Variants in PCID2 observed in about 807,000 individuals in gnomAD.
PCID2 encodes PCI domain containing 2, also known as PCI domain-containing protein 2.
Under a neutral mutation model 61.3 loss-of-function variants are expected in PCID2, and 41 were observed. The observed-to-expected ratio is 0.67, with a 90% CI of 0.52 to 0.87. PCID2 has a LOEUF of 0.87. Ranked by LOEUF, PCID2 falls within the 40% of genes least tolerant of loss-of-function variation. The probability of loss-of-function intolerance (pLI) is 0.00; values close to 1 mark genes in which losing one functional copy is unlikely to be tolerated. For synonymous variants in PCID2, 187 were observed against 177.8 expected (o/e 1.05, Z -0.41); for missense variants, 392 against 493.4 (o/e 0.79, Z 1.95).
chr13:113,188,252 G>A (rs554125555), intron 7 of PCID2: 3 of 151,950 alleles, frequency 2.0e-5, no homozygotes, highest in Non-Finnish European at 2.9e-5. Context: ...CAGTGGGAAA[G>A]TGCCATGGCA....
chr13:113,194,458 G>GC (rs1006686914), intron 6 of PCID2, among the ~76,000 whole-genome samples: 1 of 152,122 alleles, frequency 6.6e-6, no homozygotes, highest in African/African-American at 2.4e-5. Context: ...CCATAGCCAT[G>GC]CCGGCCTGAC....
chr13:113,205,629 C>G (rs1452551790), intron 1 of PCID2, among the ~76,000 whole-genome samples: 1 of 152,204 alleles, frequency 6.6e-6, no homozygotes, highest in African/African-American at 2.4e-5. Flanking sequence ...AAACAAAATA[C>G]TCCATACAAT....
chr13:113,196,266 C>T (rs768896494), intron 4 of PCID2, 44 bp from the exon 5 acceptor site: 3 of 1,398,950 alleles, frequency 2.1e-6, no homozygotes, highest in Non-Finnish European at 2.0e-6. Flanking sequence ...TCAAATAATG[C>T]TACGTACGAT....
In PCID2 at chr13:113,178,099, G is replaced by A. The variant is rs1034417978; in HGVS notation, c.*99C>T. ...TGGGAAAAGCGCCTCCAAGAGTTCCGGCTTCAGGGAGCCTTGTTGCAGTAC... is the reference window on the plus strand; with the variant it reads ...TGGGAAAAGCGCCTCCAAGAGTTCCAGCTTCAGGGAGCCTTGTTGCAGTAC... On this transcript the variant is annotated 3_prime_UTR_variant, in exon 14 of 14. Transcript: ENST00000337344. 2.6e-5 allele frequency: 20 copies of A among 768,220 alleles called. No individual in the cohort carries two copies. Among genetic ancestry groups the A allele is most frequent in the South Asian group, 3.6e-5 (2 of 55,794 alleles). The allele number at this position is 768,220 out of a possible 1,614,324, so 47.6% of individuals were successfully genotyped here.
the PCID2 span, chr13:113,170,531 G>T: frequency 2.0e-6 from 3 of 1,521,964 alleles, no homozygotes; most frequent in South Asian, 2.2e-5. Flanking sequence ...GTAAAAACAT[G>T]TAAGTATTTT....
In PCID2 at chr13:113,198,200, G is replaced by A; in HGVS notation, c.191C>T (p.Ala64Val). ...CTCCCCAACAGATTACCTTAAATGAGCTGCAAACATTTCATCATAAGGGGG... is the reference window on the plus strand; with the variant it reads ...CTCCCCAACAGATTACCTTAAATGAACTGCAAACATTTCATCATAAGGGGG... ...LEPPYDEMFA[A>V]HLRCTYAVGN... Residue 64 changes from alanine to valine, a missense_variant, in exon 3 of 14, where the codon GCT (alanine) becomes GTT (valine). By Grantham distance (64) the Ala-to-Val change is moderately conservative. Transcript: ENST00000337344. 2.5e-6 allele frequency: 4 copies of A among 1,602,184 alleles called. No homozygotes were observed. The highest frequency in any genetic ancestry group is 3.4e-6 in the Non-Finnish European group (4 of 1,173,342).
chr13:113,175,257 CTA>C (rs2037169144), downstream of PCID2, among the ~76,000 whole-genome samples: 1 of 152,154 alleles, frequency 6.6e-6, no homozygotes, highest in African/African-American at 2.4e-5. Context: ...GTAAGGACAC[CTA>C]CACTGAGGTT....
chr13:113,203,596 G>C (rs536878162), intron 1 of PCID2, among the ~76,000 whole-genome samples: 1 of 152,310 alleles, frequency 6.6e-6, no homozygotes, highest in South Asian at 2.1e-4. Flanking sequence ...ATGGCCCCAA[G>C]AAGACAACAC....
chr13:113,180,936 C>A (rs2037573843), intron 10 of PCID2, among the ~76,000 whole-genome samples, 194 bp downstream of exon 10: 1 of 152,156 alleles, frequency 6.6e-6, no homozygotes, highest in Non-Finnish European at 1.5e-5. Context: ...TCTAGAAGGA[C>A]CTGGAGGCGT....
At chr13:113,181,310 T>C (rs1158458200) in intron 9 of PCID2, 80 bp from the exon 10 acceptor site, 2 of 820,052 alleles carry the variant, frequency 2.4e-6, no homozygotes, top group Non-Finnish European at 4.1e-6. Flanking sequence ...TCTACCACTG[T>C]CTCCTGATTT....
At chr13:113,178,660 C>G (rs1452000110) in intron 13 of PCID2, among the ~76,000 whole-genome samples, 1 of 152,206 alleles carries the variant, frequency 6.6e-6, no homozygotes, top group Non-Finnish European at 1.5e-5. Context: ...GTGCATAGCT[C>G]ATATGCAAAT....
chr13:113,202,911 C>T (rs755385998), intron 1 of PCID2, among the ~76,000 whole-genome samples: 1 of 152,126 alleles, frequency 6.6e-6, no homozygotes, highest in Non-Finnish European at 1.5e-5. Context: ...AAAATACATA[C>T]CTATATGAGT....
chr13:113,196,866 C>T (rs940873950), intron 4 of PCID2, among the ~76,000 whole-genome samples: 2 of 152,222 alleles, frequency 1.3e-5, no homozygotes, highest in African/African-American at 4.8e-5. Flanking sequence ...ATTTCACCAA[C>T]AGGACTTAAC....
At chr13:113,208,268 G>A in intron 1 of PCID2, 2 of 1,441,340 alleles carry the variant, frequency 1.4e-6, no homozygotes, top group Non-Finnish European at 1.8e-6. Flanking sequence ...GGCGTGGCCC[G>A]CAGGCCCTTC....
chr13:113,190,708 C>T (rs540686875), intron 7 of PCID2, 164 bp downstream of exon 7: 2 of 446,096 alleles, frequency 4.5e-6, no homozygotes, highest in African/African-American at 2.0e-5. Flanking sequence ...ATTTCCTTTA[C>T]AAAACAATCA....
chr13:113,165,079 T>C, the PCID2 span: 5 of 1,613,102 alleles, frequency 3.1e-6, no homozygotes, highest in South Asian at 1.1e-5. Context: ...GGTGCTGACC[T>C]CTGAGAAGCG....
chr13:113,198,633 T>C (rs2039195169), intron 2 of PCID2, among the ~76,000 whole-genome samples: 1 of 151,924 alleles, frequency 6.6e-6, no homozygotes. Context: ...TGAACATGGG[T>C]GGGGGAGGTT....
At chr13:113,198,597 C>T (rs2039191670) in intron 2 of PCID2, among the ~76,000 whole-genome samples, 2 of 152,132 alleles carry the variant, frequency 1.3e-5, no homozygotes, top group South Asian at 4.1e-4. Context: ...CCCAGCTACT[C>T]AGGAGGCTGA....
At chr13:113,177,431 C>T (rs1259819137), downstream of PCID2, 1 of 151,982 alleles carries the variant, frequency 6.6e-6, no homozygotes, top group Non-Finnish European at 1.5e-5. Flanking sequence ...GCCACCACGC[C>T]CGGCATCTAC....
Sources: allele counts gnomAD v4.1 joint callset (sites outside exome capture counted in the v4.1 genomes callset), GRCh38; gene constraint gnomAD v4.1.1; transcripts MANE v1.5; gene names NCBI Gene and HGNC (gene_info 2026-07-23, HGNC 2026-07-21).